GPC5: variants seen among roughly 807,000 people sequenced by gnomAD.
The protein encoded by GPC5 is glypican 5.
In GPC5, 47 loss-of-function variants were observed where a neutral mutation model predicts 53.9. That is an observed-to-expected ratio of 0.87 (90% CI 0.69 to 1.11). GPC5 has a LOEUF of 1.11. GPC5 is among the 50% of genes most tolerant of loss of function. The pLI, the probability that GPC5 is intolerant of heterozygous loss-of-function variation, is 0.00. For missense variants in GPC5, 748 were observed against 713.1 expected (o/e 1.05, Z -0.56); for synonymous variants, 286 against 263.3 (o/e 1.09, Z -0.84).
At chr13:92,020,729 A>G (rs2040750850) in intron 6 of GPC5, among the ~76,000 whole-genome samples, 1 of 146,206 alleles carries the variant, frequency 6.8e-6, no homozygotes, top group Non-Finnish European at 1.5e-5. Context: ...GAATTTGAAG[A>G]TTAACTCCTT....
chr13:91,801,757 A>G (rs2038139718), intron 5 of GPC5, among the ~76,000 whole-genome samples: 1 of 152,182 alleles, frequency 6.6e-6, no homozygotes. Context: ...ACTATTTGCT[A>G]TTGCTAAGTT....
intron 1 of GPC5, among the ~76,000 whole-genome samples, chr13:91,435,222 A>G (rs901963946): frequency 6.6e-6 from 1 of 152,138 alleles, no homozygotes; most frequent in African/African-American, 2.4e-5. Context: ...TTCCAACACT[A>G]TGTTGATAGG....
intron 6 of GPC5, among the ~76,000 whole-genome samples, chr13:92,017,550 G>A (rs2040717756): frequency 6.6e-6 from 1 of 152,044 alleles, no homozygotes; most frequent in African/African-American, 2.4e-5. Flanking sequence ...TCTGAGAGCT[G>A]GTCGGTCAAC....
chr13:91,577,178 T>C (rs763131180), intron 2 of GPC5, among the ~76,000 whole-genome samples: 5 of 152,184 alleles, frequency 3.3e-5, no homozygotes, highest in Non-Finnish European at 5.9e-5. Flanking sequence ...GGTTGGATGA[T>C]TGTGGACTTC....
intron 7 of GPC5, among the ~76,000 whole-genome samples, chr13:92,462,430 C>A (rs772533465): frequency 1.5e-4 from 23 of 152,192 alleles, no homozygotes; most frequent in Non-Finnish European, 2.6e-4. Context: ...GTGAGTCCCA[C>A]GTTTTGGCTT....
intron 7 of GPC5, among the ~76,000 whole-genome samples, chr13:92,556,002 G>A (rs556968112): frequency 6.6e-6 from 1 of 151,654 alleles, no homozygotes; most frequent in South Asian, 2.1e-4. Context: ...CTGGGCTGTG[G>A]CTGAATCACT....
intron 2 of GPC5, among the ~76,000 whole-genome samples, chr13:91,687,758 A>T (rs1386479856): frequency 6.6e-6 from 1 of 152,026 alleles, no homozygotes; most frequent in Non-Finnish European, 1.5e-5. Flanking sequence ...TTTTATTCCT[A>T]ATCTGTTTCT....
intron 7 of GPC5, among the ~76,000 whole-genome samples, chr13:92,276,525 A>G (rs968583907): frequency 6.6e-6 from 1 of 152,146 alleles, no homozygotes; most frequent in Non-Finnish European, 1.5e-5. Flanking sequence ...ATCACAAACA[A>G]AAATAATTCA....
At chr13:91,670,993 T>G (rs2035231543) in intron 2 of GPC5, among the ~76,000 whole-genome samples, 1 of 152,188 alleles carries the variant, frequency 6.6e-6, no homozygotes, top group South Asian at 2.1e-4. Flanking sequence ...CTCTTCATGT[T>G]TGACATTGGT....
chr13:92,437,507 T>C (rs1364856710), intron 7 of GPC5, among the ~76,000 whole-genome samples: 1 of 152,130 alleles, frequency 6.6e-6, no homozygotes, highest in Non-Finnish European at 1.5e-5. Context: ...AAATATGTAG[T>C]TGTACATCAA....
At chr13:92,827,512 T>C (rs1209886994) in intron 7 of GPC5, among the ~76,000 whole-genome samples, 1 of 152,106 alleles carries the variant, frequency 6.6e-6, no homozygotes, top group Non-Finnish European at 1.5e-5. Flanking sequence ...AGGCATGTCT[T>C]CTTCACGTTT....
At chr13:92,114,765 A>T (rs2041587403) in intron 6 of GPC5, among the ~76,000 whole-genome samples, 1 of 152,194 alleles carries the variant, frequency 6.6e-6, no homozygotes, top group Non-Finnish European at 1.5e-5. Flanking sequence ...GTATGCCCTT[A>T]TATAAATGTA....
At chr13:91,443,962 C>T (rs761073023) in intron 1 of GPC5, among the ~76,000 whole-genome samples, 3 of 152,078 alleles carry the variant, frequency 2.0e-5, no homozygotes, top group African/African-American at 2.4e-5. Flanking sequence ...TTGTTTATCC[C>T]ATATTAGACT....
intron 7 of GPC5, among the ~76,000 whole-genome samples, chr13:92,365,356 C>G (rs1214780217): frequency 6.6e-6 from 1 of 151,654 alleles, no homozygotes; most frequent in Non-Finnish European, 1.5e-5. Context: ...GTATATAGGG[C>G]ATTTACCATG....
At chr13:91,712,778 A>C (rs2036254990) in intron 3 of GPC5, among the ~76,000 whole-genome samples, 1 of 152,164 alleles carries the variant, frequency 6.6e-6, no homozygotes, top group Non-Finnish European at 1.5e-5. Flanking sequence ...CCCTGTTCAG[A>C]GACAATAAAG....
At chr13:92,753,940 G>C (rs192592017) in intron 7 of GPC5, among the ~76,000 whole-genome samples, 1 of 152,142 alleles carries the variant, frequency 6.6e-6, no homozygotes, top group African/African-American at 2.4e-5. Flanking sequence ...CCCCAATCTA[G>C]CAAGCAGGCC....
chr13:92,468,863 C>A (rs994029537), intron 7 of GPC5, among the ~76,000 whole-genome samples: 1 of 152,082 alleles, frequency 6.6e-6, no homozygotes, highest in Non-Finnish European at 1.5e-5. Context: ...TTAGAAAAAC[C>A]ACCTTCAGTC....
At chr13:91,651,497 A>G (rs926313249) in intron 2 of GPC5, among the ~76,000 whole-genome samples, 13 of 152,152 alleles carry the variant, frequency 8.5e-5, no homozygotes, top group African/African-American at 3.1e-4. Context: ...AGGCATGTGG[A>G]TCACCTGAGG....
At chr13:91,928,368 G>A (rs2039788796) in intron 6 of GPC5, among the ~76,000 whole-genome samples, 2 of 152,274 alleles carry the variant, frequency 1.3e-5, no homozygotes, top group African/African-American at 4.8e-5. Flanking sequence ...GGACTTAGTG[G>A]AATAACTCTA....
Sources: gnomAD v4.1 joint callset for allele counts (sites outside exome capture counted in the v4.1 genomes callset) on GRCh38, gnomAD v4.1.1 for gene constraint, MANE v1.5 for transcripts, NCBI Gene and HGNC (gene_info 2026-07-23, HGNC 2026-07-21) for gene names.